The following FA2H variants were observed in gnomAD, a reference collection of about 807,000 sequenced individuals.
FA2H encodes fatty acid 2-hydroxylase.
Under a neutral mutation model 44.9 loss-of-function variants are expected in FA2H, and 22 were observed. The ratio of observed to expected loss-of-function variants is 0.49; its 90% CI spans 0.35 to 0.70. FA2H has a LOEUF of 0.70. Among genes scored for constraint, FA2H ranks in the 30% least tolerant of loss-of-function variants. The probability of loss-of-function intolerance (pLI) is 0.01; values close to 1 mark genes in which losing one functional copy is unlikely to be tolerated. For synonymous variants in FA2H, 243 were observed against 213.2 expected, an observed-to-expected ratio of 1.14 and a Z score of -1.22; for missense variants, 501 against 504.9, an observed-to-expected ratio of 0.99 and a Z score of 0.07.
At chr16:74,769,523 C>T (rs1962867042) in intron 1 of FA2H, among the ~76,000 whole-genome samples, 1 of 152,098 alleles carries the variant, frequency 6.6e-6, no homozygotes, top group Non-Finnish European at 1.5e-5. Flanking sequence ...TCAAGTGGTA[C>T]ACCAAATTGG....
chr16:74,737,340 G>T (rs187483217), intron 2 of FA2H, among the ~76,000 whole-genome samples: 17 of 152,262 alleles, frequency 1.1e-4, no homozygotes, highest in Non-Finnish European at 1.5e-4. Context: ...TCCACAACCT[G>T]GCTTCTTGTC....
intron 4 of FA2H, 41 bp downstream of exon 4, chr16:74,726,184 C>G: frequency 1.4e-6 from 2 of 1,407,568 alleles, no homozygotes; most frequent in Non-Finnish European, 2.0e-6. Flanking sequence ...TCTCCTCCCT[C>G]TAGGATCCTC....
intron 2 of FA2H, among the ~76,000 whole-genome samples, chr16:74,735,105 A>C (rs1962155420): frequency 1.3e-5 from 2 of 152,216 alleles, no homozygotes; most frequent in Non-Finnish European, 2.9e-5. Flanking sequence ...ACAGATGAGA[A>C]GACAGGGTCA....
At chr16:74,742,233 G>A (rs920583126) in intron 1 of FA2H, among the ~76,000 whole-genome samples, 5 of 152,180 alleles carry the variant, frequency 3.3e-5, no homozygotes, top group African/African-American at 7.2e-5. Context: ...CTGTGGGGGC[G>A]AAGCCCTGAA....
intron 1 of FA2H, among the ~76,000 whole-genome samples, chr16:74,761,119 GT>G (rs1463006403): frequency 3.9e-5 from 6 of 152,080 alleles, no homozygotes; most frequent in Non-Finnish European, 8.8e-5. Context: ...TAAAATAAAA[GT>G]TGGAAGGGAA....
rs549301786 is a variant in FA2H, at chr16:74,758,947, G to C, written c.270+15539C>G. On this transcript the variant is annotated intron_variant, in intron 1 of 6. Coordinates refer to ENST00000219368, the MANE Select transcript of FA2H (RefSeq NM_024306.5). ...TGCATGCAAGGCTCAAAGCCAGGTA[G>C]CTGCCTACAAACTATGCTCTCATCA... Among the ~76,000 whole-genome samples, 7 of 152,336 alleles carry C rather than the reference G, an allele frequency of 4.6e-5. No individual in the cohort carries two copies. In the East Asian group the frequency reaches 1.2e-3, roughly 25 times the overall value.
At position 74,741,800 on chromosome 16, in the gene FA2H, A is replaced by G. The variant is rs1286574177; in HGVS notation, c.271-1685T>C. Among the ~76,000 whole-genome samples, 82 of 80,738 alleles carry G rather than the reference A, an allele frequency of 1.0e-3. 1 individual carries two copies. The highest frequency in any genetic ancestry group is 4.4e-3 in the African/African-American group (80 of 18,390). 53.0% of individuals were successfully genotyped at this position (80,738 alleles called of 152,430 possible). Reference sequence around the variant, plus strand: ...TATATATATATATATATATATATATATATATATATGTGTGTGTGTGTGTGT... The same window carrying G: ...TATATATATATATATATATATATATGTATATATATGTGTGTGTGTGTGTGT... On this transcript the variant is annotated intron_variant, in intron 1 of 6. Transcript: ENST00000219368.
At chr16:74,763,680 A>G (rs1169628822) in intron 1 of FA2H, among the ~76,000 whole-genome samples, 1 of 151,812 alleles carries the variant, frequency 6.6e-6, no homozygotes, top group African/African-American at 2.4e-5. Context: ...TACTGGGCAC[A>G]AGAGAACACA....
chr16:74,731,238 A>G (rs1383100470), intron 2 of FA2H, among the ~76,000 whole-genome samples: 1 of 142,320 alleles, frequency 7.0e-6, no homozygotes, highest in Admixed American at 7.1e-5. Context: ...GGTTCAAGCG[A>G]TTCTCGCTGC....
chr16:74,717,843 G>A (rs892077101), intron 5 of FA2H, among the ~76,000 whole-genome samples: 7 of 152,210 alleles, frequency 4.6e-5, no homozygotes, highest in Non-Finnish European at 8.8e-5. Context: ...CCCTGTGGAT[G>A]GGAAAGATAG....
At position 74,722,220 on chromosome 16, in the gene FA2H, C is replaced by T. The variant is rs546769178; in HGVS notation, c.614-3060G>A. 2.0e-5 allele frequency among the ~76,000 whole-genome samples: 3 copies of T among 152,180 alleles called. No individual in the cohort carries two copies. The East Asian group carries it at 5.8e-4, about 29-fold the overall frequency. ...AGACTTTCCCATCATGGACTCAGCC[C>T]CTTCATCATCAAGGCTCCTAAAAAG... On this transcript the variant is annotated intron_variant, in intron 4 of 6. Coordinates refer to ENST00000219368, the MANE Select transcript of FA2H (RefSeq NM_024306.5).
At chr16:74,729,179 T>C (rs1254294687) in intron 2 of FA2H, among the ~76,000 whole-genome samples, 1 of 152,010 alleles carries the variant, frequency 6.6e-6, no homozygotes, top group Non-Finnish European at 1.5e-5. Context: ...CCCGCTAATT[T>C]TTTGTATTTT....
chr16:74,748,809 G>A (rs748835064), intron 1 of FA2H, among the ~76,000 whole-genome samples: 1 of 152,234 alleles, frequency 6.6e-6, no homozygotes, highest in Admixed American at 6.5e-5. Context: ...AAGGCATGTT[G>A]TTCGGGAAAG....
chr16:74,729,104 G>A (rs759510184), intron 2 of FA2H, among the ~76,000 whole-genome samples: 47 of 142,466 alleles, frequency 3.3e-4, no homozygotes, highest in Non-Finnish European at 2.1e-4. Context: ...TCCGCCTCCC[G>A]GGTTCAAGTG....
chr16:74,754,553 G>A (rs972715282), intron 1 of FA2H, among the ~76,000 whole-genome samples: 2 of 152,002 alleles, frequency 1.3e-5, no homozygotes, highest in African/African-American at 4.8e-5. Flanking sequence ...TTTGAGACAG[G>A]GTCTGGCTCT....
intron 1 of FA2H, among the ~76,000 whole-genome samples, chr16:74,743,550 G>C (rs1455062415): frequency 6.6e-6 from 1 of 152,222 alleles, no homozygotes; most frequent in African/African-American, 2.4e-5. Flanking sequence ...TCTCTCTCCA[G>C]AATTCCTCTG....
In FA2H at chr16:74,737,191, GA is replaced by G. The variant is rs1962199375; in HGVS notation, c.363+2831del. On this transcript the variant is annotated intron_variant, in intron 2 of 6. Transcript: ENST00000219368. ...GAGAGGGCTCCCAAGGGAGGGCTCC[GA>G]AAAGGACATGGCGAAGTGGCAAAAA... 5.3e-5 allele frequency among the ~76,000 whole-genome samples: 8 copies of G among 152,246 alleles called. No individual in the cohort carries two copies. The South Asian group carries it at 1.7e-3, about 32-fold the overall frequency.
chr16:74,716,754 C>T (rs1961713800), intron 5 of FA2H, 155 bp from the exon 6 acceptor site: 1 of 780,792 alleles, frequency 1.3e-6, no homozygotes, highest in African/African-American at 1.7e-5. Flanking sequence ...GGGCGGGCCA[C>T]CACGTCTGGA....
At position 74,714,193 on chromosome 16, in the gene FA2H, C is replaced by T; in HGVS notation, c.1116G>A (p.Gln372=). ...AGGACGGAGGGGGTGGGAGTTGTCA[C>T]TGCGTCTTCAGGTGGGGTTTCTCTG... is the stretch of plus-strand genomic sequence containing the variant. ...LTPEKPHLKT[Q] is the part of the protein sequence containing the mutation. Residue 372 remains glutamine (Q), a synonymous_variant, in exon 7 of 7, where the codon CAG becomes CAA. Transcript: ENST00000219368. The T allele has an allele frequency of 6.4e-7, 1 of 1,559,044 alleles. No individual in the cohort carries two copies. Among genetic ancestry groups the T allele is most frequent in the Non-Finnish European group, 8.7e-7 (1 of 1,150,492 alleles).
Sources: allele counts gnomAD v4.1 joint callset (sites outside exome capture counted in the v4.1 genomes callset), GRCh38; gene constraint gnomAD v4.1.1; transcripts MANE v1.5; gene names NCBI Gene and HGNC (gene_info 2026-07-23, HGNC 2026-07-21).